Variants in NRG3 observed in about 807,000 individuals in gnomAD.
NRG3 encodes the protein neuregulin 3.
Under a neutral mutation model 66.9 loss-of-function variants are expected in NRG3, and 31 were observed. The observed-to-expected ratio is 0.46, with a 90% CI of 0.35 to 0.63. NRG3 has a LOEUF of 0.63. Among genes scored for constraint, NRG3 ranks in the 20% least tolerant of loss-of-function variants. NRG3 has a pLI of 0.00. For missense variants in NRG3, 910 were observed against 878.9 expected (o/e 1.04, Z -0.45); for synonymous variants, 393 against 359.4 (o/e 1.09, Z -1.06).
intron 1 of NRG3, among the ~76,000 whole-genome samples, chr10:81,933,246 C>T (rs1208096794): frequency 6.6e-6 from 1 of 151,956 alleles, no homozygotes; most frequent in Non-Finnish European, 1.5e-5. Flanking sequence ...GCTATATGAC[C>T]ATGGCAGACT....
At chr10:82,043,012 G>C (rs1024906257) in intron 1 of NRG3, among the ~76,000 whole-genome samples, 3 of 151,960 alleles carry the variant, frequency 2.0e-5, no homozygotes, top group African/African-American at 7.2e-5. Flanking sequence ...TTTGTCATTA[G>C]ATATGTAGAC....
chr10:82,083,101 T>A (rs1293230961), intron 1 of NRG3, among the ~76,000 whole-genome samples: 1 of 151,942 alleles, frequency 6.6e-6, no homozygotes, highest in Non-Finnish European at 1.5e-5. Context: ...CCACCATACC[T>A]GGCTGATTAT....
intron 2 of NRG3, among the ~76,000 whole-genome samples, chr10:82,513,398 A>G (rs1845373611): frequency 6.6e-6 from 1 of 152,196 alleles, no homozygotes; most frequent in Non-Finnish European, 1.5e-5. Context: ...GCTATTGTGA[A>G]TAATGCTGCA....
chr10:82,687,393 A>C lies in NRG3; in HGVS notation c.954-51184A>C, dbSNP rs546700947. Among the ~76,000 whole-genome samples, 17 of 152,270 alleles carry C rather than the reference A, an allele frequency of 1.1e-4. No homozygotes were observed. The East Asian group carries it at 2.9e-3, about 26-fold the overall frequency. ...TCATGCCACCTTTGTTTCCTCAACCATCAGGAATATATCAATAGGTCAAAT... is the reference window on the plus strand; with the variant it reads ...TCATGCCACCTTTGTTTCCTCAACCCTCAGGAATATATCAATAGGTCAAAT... On this transcript the variant is annotated intron_variant, in intron 2 of 8. Coordinates refer to ENST00000372141, the MANE Select transcript of NRG3 (RefSeq NM_001010848.4).
intron 2 of NRG3, among the ~76,000 whole-genome samples, chr10:82,598,167 A>G (rs1251402622): frequency 6.6e-6 from 1 of 152,170 alleles, no homozygotes; most frequent in East Asian, 1.9e-4. Flanking sequence ...TTTTACTCAA[A>G]ATTAAATATC....
intron 1 of NRG3, among the ~76,000 whole-genome samples, chr10:82,188,123 A>C (rs1219068091): frequency 2.0e-5 from 3 of 152,146 alleles, no homozygotes. Context: ...CACAGACATC[A>C]AAGGAACAGA....
At chr10:82,746,392 G>C (rs1420538521) in intron 3 of NRG3, among the ~76,000 whole-genome samples, 1 of 152,110 alleles carries the variant, frequency 6.6e-6, no homozygotes, top group Non-Finnish European at 1.5e-5. Flanking sequence ...TCCTCCCAGG[G>C]GGCCTGTTCA....
chr10:81,995,900 T>G (rs2060923668), intron 1 of NRG3, among the ~76,000 whole-genome samples: 1 of 152,194 alleles, frequency 6.6e-6, no homozygotes, highest in African/African-American at 2.4e-5. Flanking sequence ...AATTGGTCAA[T>G]GCCATGCAAC....
At chr10:82,233,083 G>A (rs373707332) in intron 1 of NRG3, among the ~76,000 whole-genome samples, 5 of 152,170 alleles carry the variant, frequency 3.3e-5, no homozygotes, top group East Asian at 3.9e-4. Flanking sequence ...AAGTATTGGC[G>A]GCTGTTCGCA....
At chr10:82,248,142 C>T (rs1257916396) in intron 1 of NRG3, among the ~76,000 whole-genome samples, 1 of 152,166 alleles carries the variant, frequency 6.6e-6, no homozygotes. Flanking sequence ...AAACTACTGA[C>T]CTAACAGGCA....
At chr10:82,419,541 C>G (rs1014670657) in intron 2 of NRG3, among the ~76,000 whole-genome samples, 1 of 151,756 alleles carries the variant, frequency 6.6e-6, no homozygotes, top group Non-Finnish European at 1.5e-5. Flanking sequence ...TTTTTTTCTC[C>G]CGCCCAAAAA....
At chr10:82,198,874 G>A (rs2074599446) in intron 1 of NRG3, among the ~76,000 whole-genome samples, 2 of 151,580 alleles carry the variant, frequency 1.3e-5, no homozygotes, top group Non-Finnish European at 2.9e-5. Context: ...GCACACATCT[G>A]TAATCCCAGC....
chr10:82,223,373 A>G (rs1451714048), intron 1 of NRG3, among the ~76,000 whole-genome samples: 5 of 152,070 alleles, frequency 3.3e-5, no homozygotes, highest in Non-Finnish European at 5.9e-5. Flanking sequence ...GTCTGTTCAT[A>G]TAGGTAATAG....
At chr10:82,043,753 G>A (rs74235094) in intron 1 of NRG3, among the ~76,000 whole-genome samples, 3,966 of 151,936 alleles carry the variant, frequency 0.026, 132 homozygotes, top group East Asian at 0.14. Flanking sequence ...TAGTTAATAG[G>A]ATCTTGGAAA....
intron 3 of NRG3, among the ~76,000 whole-genome samples, chr10:82,810,354 G>GT (rs1466920993): frequency 6.6e-6 from 1 of 152,116 alleles, no homozygotes; most frequent in Non-Finnish European, 1.5e-5. Context: ...CTCCAATGCT[G>GT]TTTTTTTCTA....
At chr10:81,960,365 C>G (rs961052450) in intron 1 of NRG3, among the ~76,000 whole-genome samples, 1 of 152,042 alleles carries the variant, frequency 6.6e-6, no homozygotes, top group African/African-American at 2.4e-5. Context: ...GATGTAGTAA[C>G]TTAAAGGCAA....
intron 1 of NRG3, among the ~76,000 whole-genome samples, chr10:82,131,023 C>T (rs2068783642): frequency 6.6e-6 from 1 of 152,134 alleles, no homozygotes; most frequent in African/African-American, 2.4e-5. Context: ...GTTTTCTTTG[C>T]AGTGCAGATG....
intron 3 of NRG3, among the ~76,000 whole-genome samples, chr10:82,851,634 T>A (rs1321126944): frequency 1.3e-5 from 2 of 151,988 alleles, no homozygotes; most frequent in Non-Finnish European, 2.9e-5. Context: ...ATTGCCAAGA[T>A]CTCCCTTCCC....
At chr10:82,280,913 C>T (rs1316529475) in intron 1 of NRG3, among the ~76,000 whole-genome samples, 1 of 152,188 alleles carries the variant, frequency 6.6e-6, no homozygotes, top group Non-Finnish European at 1.5e-5. Context: ...CAGACCCATG[C>T]CTGCTTTCTG....
Sources: gnomAD v4.1 joint callset for allele counts (sites outside exome capture counted in the v4.1 genomes callset) on GRCh38, gnomAD v4.1.1 for gene constraint, MANE v1.5 for transcripts, NCBI Gene and HGNC (gene_info 2026-07-23, HGNC 2026-07-21) for gene names.